The following CNNM2 variants were observed in gnomAD, a reference collection of about 807,000 sequenced individuals.
CNNM2 encodes the protein metal transporter CNNM2.
In CNNM2, 12 loss-of-function variants were observed where a neutral mutation model predicts 66.9. The ratio of observed to expected loss-of-function variants is 0.18; its 90% CI spans 0.11 to 0.29. CNNM2 has a LOEUF of 0.29. Among genes scored for constraint, CNNM2 ranks in the 10% least tolerant of loss-of-function variants. The pLI is 1.00. For synonymous variants in CNNM2, 557 were observed against 501.8 expected, an observed-to-expected ratio of 1.11 and a Z score of -1.47; for missense variants, 705 against 1,167.7, an observed-to-expected ratio of 0.60 and a Z score of 5.77.
At chr10:102,968,171 A>G (rs756524637) in intron 1 of CNNM2, among the ~76,000 whole-genome samples, 4 of 152,180 alleles carry the variant, frequency 2.6e-5, no homozygotes, top group Non-Finnish European at 5.9e-5. Context: ...ACTTGGCTGT[A>G]TGTACCATTT....
chr10:103,013,199 T>C (rs1387098563), intron 1 of CNNM2, among the ~76,000 whole-genome samples: 1 of 152,120 alleles, frequency 6.6e-6, no homozygotes, highest in Non-Finnish European at 1.5e-5. Context: ...AAGGACACTG[T>C]TTTTGTCAAA....
chr10:103,032,326 C>G (rs1352913702), intron 1 of CNNM2, among the ~76,000 whole-genome samples: 1 of 152,046 alleles, frequency 6.6e-6, no homozygotes, highest in Admixed American at 6.6e-5. Flanking sequence ...TGGTGCACAT[C>G]TGTAATTCCA....
At chr10:103,059,787 T>G (rs1310476387) in intron 4 of CNNM2, among the ~76,000 whole-genome samples, 1 of 152,150 alleles carries the variant, frequency 6.6e-6, no homozygotes, top group Admixed American at 6.5e-5. Flanking sequence ...GAATACCTTG[T>G]AAAATAGAAT....
chr10:102,958,471 T>TG (rs1316180499), intron 1 of CNNM2, among the ~76,000 whole-genome samples: 9 of 120,054 alleles, frequency 7.5e-5, no homozygotes, highest in East Asian at 4.7e-4. Context: ...TTTTTTTTTT[T>TG]TTTTTTTTTT....
chr10:102,944,027 A>G (rs1460969895), intron 1 of CNNM2, among the ~76,000 whole-genome samples: 1 of 151,850 alleles, frequency 6.6e-6, no homozygotes, highest in African/African-American at 2.4e-5. Flanking sequence ...TTAACCTACA[A>G]TTAAAACCTC....
intron 1 of CNNM2, among the ~76,000 whole-genome samples, chr10:102,921,780 ATTAC>A (rs1845647697): frequency 6.6e-6 from 1 of 152,074 alleles, no homozygotes; most frequent in Non-Finnish European, 1.5e-5. Flanking sequence ...TGAGTTTTTT[ATTAC>A]TTAGAATTTT....
rs7099987 is a variant in CNNM2, at chr10:103,048,169, C to T, written c.1622-1538C>T. 0.11 allele frequency among the ~76,000 whole-genome samples: 15,905 copies of T among 151,402 alleles called. 865 individuals are homozygous for T. The highest frequency in any genetic ancestry group is 0.18 in the Middle Eastern group (52 of 288). On this transcript the variant is annotated intron_variant, in intron 1 of 7. Coordinates refer to ENST00000369878, the MANE Select transcript of CNNM2 (RefSeq NM_017649.5). ...TGAACTCCTGACTTCAAGTGATCCG[C>T]CTCCCAAAGGGCTGGGATTACAAAT...
At chr10:102,963,609 C>T (rs1187440990) in intron 1 of CNNM2, among the ~76,000 whole-genome samples, 3 of 152,106 alleles carry the variant, frequency 2.0e-5, no homozygotes, top group African/African-American at 7.2e-5. Flanking sequence ...CCCGGAGAAT[C>T]TCATTATTAT....
intron 1 of CNNM2, among the ~76,000 whole-genome samples, chr10:102,990,814 T>G (rs1303903019): frequency 1.3e-5 from 2 of 152,174 alleles, no homozygotes; most frequent in African/African-American, 2.4e-5. Flanking sequence ...GTACAGTGCC[T>G]TGAATGGTTG....
At chr10:103,028,829 T>TTTTTTTTTTTC (rs2064763911) in intron 1 of CNNM2, among the ~76,000 whole-genome samples, 1 of 19,876 alleles carries the variant, frequency 5.0e-5, no homozygotes, top group Non-Finnish European at 1.1e-4. Flanking sequence ...TTTTTTTTTC[T>TTTTTTTTTTTC]TTTTTTTTTT....
chr10:103,023,602 T>C (rs2064637799), intron 1 of CNNM2, among the ~76,000 whole-genome samples: 1 of 151,990 alleles, frequency 6.6e-6, no homozygotes, highest in African/African-American at 2.4e-5. Context: ...TGAATAGCAC[T>C]AAGCCATTCA....
chr10:102,964,968 C>T lies in CNNM2; in HGVS notation c.1621+44867C>T, dbSNP rs569452624. On this transcript the variant is annotated intron_variant, in intron 1 of 7. Transcript: ENST00000369878. ...TCACTCAGCACTTGGCCCTCCTACT[C>T]TTCTGCCCTCTGCGGTGTGAAGACA... is the stretch of plus-strand genomic sequence containing the variant. Among the ~76,000 whole-genome samples the T allele has an allele frequency of 4.4e-4, 67 of 152,302 alleles. 1 individual carries two copies. The highest frequency in any genetic ancestry group is 7.5e-4 in the Non-Finnish European group (51 of 68,020).
At chr10:102,990,038 C>T (rs761511560) in intron 1 of CNNM2, among the ~76,000 whole-genome samples, 5 of 151,514 alleles carry the variant, frequency 3.3e-5, no homozygotes, top group South Asian at 2.1e-4. Flanking sequence ...TCTCCCTCCC[C>T]GGTTCAAGCG....
At chr10:102,942,079 T>C (rs1319798360) in intron 1 of CNNM2, among the ~76,000 whole-genome samples, 2 of 152,366 alleles carry the variant, frequency 1.3e-5, no homozygotes, top group South Asian at 2.1e-4. Flanking sequence ...GTAGCTCCAC[T>C]TCCAGAATGT....
intron 1 of CNNM2, among the ~76,000 whole-genome samples, chr10:102,926,323 C>A (rs540449707): frequency 1.3e-5 from 2 of 152,284 alleles, no homozygotes; most frequent in South Asian, 4.1e-4. Flanking sequence ...TAGTTAAATA[C>A]CAGCCCTGAC....
At chr10:102,992,242 C>T (rs1204618474) in intron 1 of CNNM2, among the ~76,000 whole-genome samples, 1 of 146,366 alleles carries the variant, frequency 6.8e-6, no homozygotes, top group Non-Finnish European at 1.5e-5. Flanking sequence ...GTAGTGGGGG[C>T]AGCCTTTTAC....
At chr10:102,954,931 A>G (rs911429085) in intron 1 of CNNM2, among the ~76,000 whole-genome samples, 3 of 152,188 alleles carry the variant, frequency 2.0e-5, no homozygotes. Flanking sequence ...AAGAATCAAT[A>G]TCGTGAAAAT....
At chr10:103,010,972 G>A (rs1381980591) in intron 1 of CNNM2, among the ~76,000 whole-genome samples, 1 of 152,050 alleles carries the variant, frequency 6.6e-6, no homozygotes, top group East Asian at 1.9e-4. Context: ...CAATTACCCT[G>A]TATTACTTTC....
At chr10:102,941,411 A>G (rs1440327729) in intron 1 of CNNM2, among the ~76,000 whole-genome samples, 1 of 151,948 alleles carries the variant, frequency 6.6e-6, no homozygotes, top group Middle Eastern at 3.2e-3. Flanking sequence ...CCCAGTTGAT[A>G]TTGTCTTTTA....
Sources: gnomAD v4.1 joint callset for allele counts (sites outside exome capture counted in the v4.1 genomes callset) on GRCh38, gnomAD v4.1.1 for gene constraint, MANE v1.5 for transcripts, NCBI Gene and HGNC (gene_info 2026-07-23, HGNC 2026-07-21) for gene names.